IFT80: variants seen among roughly 807,000 people sequenced by gnomAD.
IFT80 encodes intraflagellar transport 80.
Under a neutral mutation model 107.9 loss-of-function variants are expected in IFT80, and 79 were observed. The ratio of observed to expected loss-of-function variants is 0.73; its 90% CI spans 0.61 to 0.88. The LOEUF (loss-of-function observed/expected upper bound fraction) is 0.88, where lower values mean the gene tolerates loss of function less well. Among genes scored for constraint, IFT80 ranks in the 40% least tolerant of loss-of-function variants. IFT80 has a pLI of 0.00. For missense variants in IFT80, 797 were observed against 914.2 expected, an observed-to-expected ratio of 0.87 and a Z score of 1.65; for synonymous variants, 299 against 300.9, an observed-to-expected ratio of 0.99 and a Z score of 0.07.
At position 160,258,461 on chromosome 3, in the gene IFT80, G is replaced by T. The variant is rs1207846641; in HGVS notation, c.*64C>A. 12 of 1,604,488 alleles carry T rather than the reference G, an allele frequency of 7.5e-6. No homozygotes were observed. Among genetic ancestry groups the T allele is most frequent in the Non-Finnish European group, 1.0e-5 (12 of 1,174,566 alleles). ...CTTTTTTCTTTAGCAACCAAAACAT[G>T]CTTACCCTTGGTTAATCAGAACGTG... On this transcript the variant is annotated 3_prime_UTR_variant, in exon 20 of 20. Coordinates refer to ENST00000326448, the MANE Select transcript of IFT80 (RefSeq NM_020800.3).
At chr3:160,381,243 T>C (rs1712476267) in intron 3 of IFT80, among the ~76,000 whole-genome samples, 1 of 132,076 alleles carries the variant, frequency 7.6e-6, no homozygotes, top group Non-Finnish European at 1.7e-5. Context: ...TCTCTAAATA[T>C]ATATATATAT....
At chr3:160,279,128 C>T in intron 16 of IFT80, 65 bp downstream of exon 16, 4 of 1,313,690 alleles carry the variant, frequency 3.0e-6, no homozygotes, top group Non-Finnish European at 4.4e-6. Flanking sequence ...TATCATTACT[C>T]ATTTTGCACA....
intron 11 of IFT80, among the ~76,000 whole-genome samples, chr3:160,301,495 T>C (rs1275180789): frequency 1.3e-5 from 2 of 151,920 alleles, no homozygotes; most frequent in African/African-American, 2.4e-5. Flanking sequence ...AAAGATTAAC[T>C]AGTGGTTAAA....
At chr3:160,337,117 C>G (rs1371430335) in intron 8 of IFT80, among the ~76,000 whole-genome samples, 7 of 152,042 alleles carry the variant, frequency 4.6e-5, no homozygotes, top group Admixed American at 4.6e-4. Flanking sequence ...TGTCTACAGC[C>G]AATATACATA....
intron 5 of IFT80, among the ~76,000 whole-genome samples, chr3:160,374,293 C>T (rs1711808161): frequency 6.6e-6 from 1 of 151,576 alleles, no homozygotes; most frequent in Non-Finnish European, 1.5e-5. Flanking sequence ...CATGTACTCC[C>T]AGCAACTTGG....
intron 14 of IFT80, among the ~76,000 whole-genome samples, chr3:160,281,479 A>G (rs1242707250): frequency 6.6e-6 from 1 of 152,194 alleles, no homozygotes; most frequent in Non-Finnish European, 1.5e-5. Flanking sequence ...TGCCACCAGC[A>G]CCAGGAATGT....
At chr3:160,394,422 G>A (rs1713620745) in intron 1 of IFT80, 1 of 152,152 alleles carries the variant, frequency 6.6e-6, no homozygotes, top group Admixed American at 6.5e-5. Context: ...CATGGATCGT[G>A]GGTTGGACAA....
intron 10 of IFT80, among the ~76,000 whole-genome samples, chr3:160,304,437 T>G (rs998189760): frequency 6.9e-6 from 1 of 145,566 alleles, no homozygotes; most frequent in African/African-American, 2.5e-5. Flanking sequence ...GATTTTTTCT[T>G]TTTTTTTTTT....
rs115455584 is a variant in IFT80, at chr3:160,384,373, A to G, written c.37+191T>C. The G allele has an allele frequency of 6.9e-4, 841 of 1,217,918 alleles. 3 individuals are homozygous for G. In the African/African-American group the frequency reaches 0.012, roughly 17 times the overall value. The allele number at this position is 1,217,918 out of a possible 1,614,324, so 75.4% of individuals were successfully genotyped here. A position where few individuals can be genotyped will look rare whatever the true frequency, so the allele number is the denominator to read the frequency against. On this transcript the variant is annotated intron_variant, in intron 2 of 19. Coordinates refer to ENST00000326448, the MANE Select transcript of IFT80 (RefSeq NM_020800.3). ...CAGTAAGAATTTTAAAATAAGATTT[A>G]TAGCAAACGGTTCACTTTGGAGAAT...
At chr3:160,356,594 C>T (rs1006493553) in intron 7 of IFT80, among the ~76,000 whole-genome samples, 17 of 152,174 alleles carry the variant, frequency 1.1e-4, no homozygotes, top group African/African-American at 4.1e-4. Flanking sequence ...GATCATAGCT[C>T]ACTGCAGTCT....
At chr3:160,395,985 C>T (rs988573366) in intron 1 of IFT80, among the ~76,000 whole-genome samples, 3 of 152,088 alleles carry the variant, frequency 2.0e-5, no homozygotes, top group African/African-American at 7.2e-5. Flanking sequence ...TCTCCACTTA[C>T]AATCTTAAAA....
intron 1 of IFT80, 54 bp downstream of exon 1, chr3:160,399,092 T>C (rs1326690532): frequency 6.6e-6 from 1 of 152,264 alleles, no homozygotes; most frequent in Non-Finnish European, 1.5e-5. Context: ...GATCCAGTGA[T>C]GGCTACAACT....
rs1712522712 is a variant in IFT80, at chr3:160,381,581, C to T, written c.181G>A (p.Asp61Asn). ...VKLPDDIYPIDFHWFPKSLGV... is the reference protein window; with the variant it reads ...VKLPDDIYPINFHWFPKSLGV... ...AAACTTTTTGGAAACCAGTGAAAAT[C>T]AATAGGGTAAATATCATCAGGAAGC... The change falls in exon 3 of 20, where the codon GAT (aspartate) becomes AAT (asparagine). Residue 61 changes from aspartate (D) to asparagine (N), a missense_variant. Transcript: ENST00000326448. The T allele has an allele frequency of 6.2e-7, 1 of 1,613,710 alleles. No homozygotes were observed. The highest frequency in any genetic ancestry group is 8.5e-7 in the Non-Finnish European group (1 of 1,179,922).
intron 11 of IFT80, among the ~76,000 whole-genome samples, chr3:160,302,473 A>G (rs1716505936): frequency 6.6e-6 from 1 of 152,098 alleles, no homozygotes; most frequent in South Asian, 2.1e-4. Flanking sequence ...TTATTTTCCA[A>G]TAACACACTA....
intron 18 of IFT80, among the ~76,000 whole-genome samples, chr3:160,273,133 G>A (rs912838772): frequency 1.3e-5 from 2 of 152,196 alleles, no homozygotes. Flanking sequence ...AATTGTTTCA[G>A]AAATATCTGT....
intron 9 of IFT80, among the ~76,000 whole-genome samples, chr3:160,317,330 A>C (rs930583867): frequency 2.6e-5 from 4 of 152,122 alleles, no homozygotes; most frequent in Non-Finnish European, 5.9e-5. Flanking sequence ...AAACTTTAAA[A>C]ATTTATAAAT....
chr3:160,370,209 G>C (rs557463023), intron 5 of IFT80, among the ~76,000 whole-genome samples: 1 of 152,216 alleles, frequency 6.6e-6, no homozygotes, highest in South Asian at 2.1e-4. Context: ...ATAAATTACA[G>C]TAGCTATCTT....
At position 160,320,014 on chromosome 3, in the gene IFT80, A is replaced by G. The variant is rs1718092231; in HGVS notation, c.778-75T>C. On this transcript the variant is annotated intron_variant, in intron 8 of 19. Transcript: ENST00000326448. ...TAGGAAGTTTTAAATCAGGCACATG[A>G]CAACGTAATAAGATCATTTTTAAAA... 5 of 962,698 alleles carry G rather than the reference A, an allele frequency of 5.2e-6. No individual in the cohort carries two copies. In the South Asian group the frequency reaches 7.0e-5, roughly 14 times the overall value. The allele number at this position is 962,698 out of a possible 1,614,324, so 59.6% of individuals were successfully genotyped here.
At chr3:160,384,450 A>G (rs1322632446) in intron 2 of IFT80, 114 bp downstream of exon 2, 1 of 1,390,546 alleles carries the variant, frequency 7.2e-7, no homozygotes, top group Non-Finnish European at 9.4e-7. Context: ...GTAAACAGCC[A>G]CTAAAGGAAT....
Sources: gnomAD v4.1 joint callset for allele counts (sites outside exome capture counted in the v4.1 genomes callset) on GRCh38, gnomAD v4.1.1 for gene constraint, MANE v1.5 for transcripts, NCBI Gene and HGNC (gene_info 2026-07-23, HGNC 2026-07-21) for gene names.